FBXO3: variants seen among roughly 807,000 people sequenced by gnomAD.
The protein encoded by FBXO3 is F-box only protein 3.
A neutral mutation model predicts 64.8 loss-of-function variants in FBXO3; 17 were observed. The ratio of observed to expected loss-of-function variants is 0.26; its 90% CI spans 0.18 to 0.39. The LOEUF (loss-of-function observed/expected upper bound fraction) is 0.39, where lower values mean the gene tolerates loss of function less well. FBXO3 is among the 10% of genes least tolerant of loss of function. The pLI is 1.00. For synonymous variants in FBXO3, 182 were observed against 201.6 expected, an observed-to-expected ratio of 0.90 and a Z score of 0.82; for missense variants, 420 against 589.9, an observed-to-expected ratio of 0.71 and a Z score of 2.98.
At position 33,742,099 on chromosome 11, in the gene FBXO3, C is replaced by T; in HGVS notation, c.1240-15G>A. On this transcript the variant is annotated splice_polypyrimidine_tract_variant and intron_variant, in intron 10 of 10. Coordinates refer to ENST00000265651, the MANE Select transcript of FBXO3 (RefSeq NM_012175.4). ...GGACCCATTTCCTTGAAAGAGAAAACAATCTTTTGATAAGAAGAGCATCTA... is the reference window on the plus strand; with the variant it reads ...GGACCCATTTCCTTGAAAGAGAAAATAATCTTTTGATAAGAAGAGCATCTA... The T allele has an allele frequency of 6.5e-7, 1 of 1,531,348 alleles. No homozygotes were observed. Among genetic ancestry groups the T allele is most frequent in the Non-Finnish European group, 8.8e-7 (1 of 1,141,768 alleles). 94.9% of individuals were successfully genotyped at this position (1,531,348 alleles called of 1,614,324 possible). A position where few individuals can be genotyped will look rare whatever the true frequency, so the allele number is the denominator to read the frequency against.
In FBXO3 at chr11:33,768,865, A is replaced by G; in HGVS notation, c.344T>C (p.Val115Ala). Residue 115 changes from valine (V) to alanine (A), a missense_variant, in exon 3 of 11, where the codon GTT (valine) becomes GCT (alanine). Val to Ala is a moderately conservative substitution (Grantham distance 64). This residue lies in a region of FBXO3 where 337 missense variants were observed against 518.4 expected (regional missense o/e 0.65). Transcript: ENST00000265651. ...ATTCCCAGTACCTTTCAGAGATAAA[A>G]CCATCCGAGGACACCTGGGCTCCAA... is the stretch of plus-strand genomic sequence containing the variant. ...KYLEPRCPRM[V>A]LSLKEGAREE... The G allele has an allele frequency of 6.2e-7, 1 of 1,613,988 alleles. No homozygotes were observed. The highest frequency in any genetic ancestry group is 1.1e-5 in the South Asian group (1 of 91,074).
At chr11:33,746,970 T>A in intron 10 of FBXO3, 160 bp downstream of exon 10, 1 of 1,473,002 alleles carries the variant, frequency 6.8e-7, no homozygotes, top group Non-Finnish European at 8.9e-7. Flanking sequence ...CATTTACTTG[T>A]CCATTTCTCT....
At chr11:33,749,779 T>C (rs1488322125) in intron 8 of FBXO3, among the ~76,000 whole-genome samples, 2 of 152,218 alleles carry the variant, frequency 1.3e-5, no homozygotes, top group Non-Finnish European at 2.9e-5. Flanking sequence ...TATTTTTATT[T>C]TGAGCACATC....
Position 33,755,873 on chromosome 11 carries a change from G to A in FBXO3, c.576C>T (p.Tyr192=), listed in dbSNP as rs1396517022. Residue 192 remains tyrosine (Y), a synonymous_variant, in exon 5 of 11, where the codon TAC becomes TAT. Coordinates refer to ENST00000265651, the MANE Select transcript of FBXO3 (RefSeq NM_012175.4). The part of the protein sequence containing the change: ...GGFQQRQGLK[Y]CLPLTFCIHT... ...GTATGCAAAAAGTTAAAGGGAGACA[G>A]TATTTCAGTCCCTGTCTCTGCTGGA... 4 of 1,614,082 alleles carry A rather than the reference G, an allele frequency of 2.5e-6. No homozygotes were observed. Among genetic ancestry groups the A allele is most frequent in the Middle Eastern group, 1.6e-4 (1 of 6,062 alleles).
At chr11:33,750,705 T>C (rs1245416328) in intron 7 of FBXO3, 44 bp from the exon 8 acceptor site, 2 of 1,569,984 alleles carry the variant, frequency 1.3e-6, no homozygotes, top group Non-Finnish European at 1.7e-6. Context: ...AACTACAGGA[T>C]TTAAAAGATA....
chr11:33,754,614 A>G (rs1590570967), intron 5 of FBXO3, 114 bp from the exon 6 acceptor site: 2 of 792,042 alleles, frequency 2.5e-6, no homozygotes, highest in Admixed American at 3.1e-5. Context: ...TAAAGTTGAG[A>G]TAAGAAGATA....
chr11:33,754,587 G>A, intron 5 of FBXO3, 87 bp from the exon 6 acceptor site: 1 of 1,115,576 alleles, frequency 9.0e-7, no homozygotes, highest in East Asian at 2.5e-5. Flanking sequence ...CTGGAGACGA[G>A]GCAAAACAGA....
chr11:33,752,362 C>T (rs1229845803), intron 6 of FBXO3, among the ~76,000 whole-genome samples: 2 of 152,164 alleles, frequency 1.3e-5, no homozygotes, highest in East Asian at 1.9e-4. Context: ...ACTGTTAATA[C>T]ATCTCAGTGC....
rs149546123 is a variant in FBXO3 at position 33,768,940 on chromosome 11, A to G, written c.269T>C (p.Ile90Thr). 7.4e-6 allele frequency: 12 copies of G among 1,613,936 alleles called. No homozygotes were observed. Among genetic ancestry groups the G allele is most frequent in the South Asian group, 3.3e-5 (3 of 91,092 alleles). Residue 90 changes from isoleucine to threonine, a missense_variant, in exon 3 of 11, where the codon ATT becomes ACT. Transcript: ENST00000265651. ...CTTTTTAATAGCAGCATAATGGTCA[A>G]TGTATCTTCCTACATCAGAGTAAGT... ...IDTYSDVGRYIDHYAAIKKAW... is the reference protein window; with the variant it reads ...IDTYSDVGRYTDHYAAIKKAW...
rs1241602931 is a variant in FBXO3 at position 33,743,670 on chromosome 11, TG to T, written c.1240-1587del. The T allele has an allele frequency of 6.6e-6, 1 of 152,360 alleles. No homozygotes were observed. The highest frequency in any genetic ancestry group is 2.4e-5 in the African/African-American group (1 of 41,452). The allele number at this position is 152,360 out of a possible 1,614,324, so 9.4% of individuals were successfully genotyped here. A position where few individuals can be genotyped will look rare whatever the true frequency, so the allele number is the denominator to read the frequency against. On this transcript the variant is annotated intron_variant, in intron 10 of 10. Transcript: ENST00000265651. The surrounding 1 kb of genome is among the most constrained non-coding windows in gnomAD (Gnocchi z 4.6). ...GGGTCAAGCACACCAAGCACATTAC[TG>T]TTTCGGAACCTCCACACGTGCTGCT...
intron 4 of FBXO3, among the ~76,000 whole-genome samples, chr11:33,758,211 C>T (rs1855155882): frequency 6.6e-6 from 1 of 152,150 alleles, no homozygotes; most frequent in Non-Finnish European, 1.5e-5. Flanking sequence ...ATATATCGCA[C>T]ATACCTTTAC....
At chr11:33,773,193 G>A (rs1855553521) in intron 1 of FBXO3, 1 of 152,168 alleles carries the variant, frequency 6.6e-6, no homozygotes, top group Non-Finnish European at 1.5e-5. Context: ...AGGTTTTAAG[G>A]AGAATGACAA....
chr11:33,758,654 A>T, intron 3 of FBXO3, 53 bp from the exon 4 acceptor site: 1 of 1,262,594 alleles, frequency 7.9e-7, no homozygotes, highest in African/African-American at 1.5e-5. Context: ...TAAATCTAAG[A>T]AGAAATGCAA....
intron 3 of FBXO3, among the ~76,000 whole-genome samples, chr11:33,768,540 C>T (rs1017401462): frequency 1.3e-5 from 2 of 152,056 alleles, no homozygotes; most frequent in Non-Finnish European, 2.9e-5. Context: ...AAAAAAAAAT[C>T]TTTTAAAAGA....
At chr11:33,749,584 G>A (rs893485267) in intron 8 of FBXO3, among the ~76,000 whole-genome samples, 2 of 152,030 alleles carry the variant, frequency 1.3e-5, no homozygotes, top group Admixed American at 6.6e-5. Flanking sequence ...GGCTGGTCTT[G>A]AACTCCCAAA....
intron 3 of FBXO3, among the ~76,000 whole-genome samples, chr11:33,759,605 A>G (rs1041881242): frequency 1.2e-4 from 18 of 152,246 alleles, no homozygotes; most frequent in African/African-American, 3.1e-4. Context: ...GCTAGCCAAA[A>G]GCAAAAGTAA....
At chr11:33,763,549 T>C (rs1052608067) in intron 3 of FBXO3, among the ~76,000 whole-genome samples, 1 of 148,600 alleles carries the variant, frequency 6.7e-6, no homozygotes, top group Non-Finnish European at 1.5e-5. Flanking sequence ...AAATTATCCA[T>C]TTAAAAAACA....
intron 2 of FBXO3, among the ~76,000 whole-genome samples, chr11:33,769,640 G>A (rs1428824275): frequency 1.3e-5 from 2 of 152,096 alleles, no homozygotes; most frequent in African/African-American, 4.8e-5. Context: ...GCCACAGACG[G>A]CCTTAAGGTA....
chr11:33,774,270 C>A, intron 1 of FBXO3, 124 bp downstream of exon 1: 2 of 840,682 alleles, frequency 2.4e-6, no homozygotes, highest in Non-Finnish European at 3.7e-6. Flanking sequence ...TGAGGGCGGC[C>A]CTGGCGTCAC....
Sources: allele counts gnomAD v4.1 joint callset (sites outside exome capture counted in the v4.1 genomes callset), GRCh38; gene constraint gnomAD v4.1.1; regional missense constraint gnomAD v4.1.1; non-coding constraint Gnocchi (gnomAD v3.1); transcripts MANE v1.5; gene names NCBI Gene and HGNC (gene_info 2026-07-23, HGNC 2026-07-21).